PLAGL1: variants seen among roughly 807,000 people sequenced by gnomAD.
PLAGL1 encodes the protein zinc finger protein PLAGL1.
In PLAGL1, 1 loss-of-function variant was observed where a neutral mutation model predicts 4.6. The observed-to-expected ratio is 0.22, with a 90% CI of 0.08 to 1.03. The LOEUF (loss-of-function observed/expected upper bound fraction) is 1.03, where lower values mean the gene tolerates loss of function less well. PLAGL1 is among the 50% of genes least tolerant of loss of function. PLAGL1 has a pLI of 0.58. For synonymous variants in PLAGL1, 240 were observed against 237.8 expected (o/e 1.01, Z -0.08); for missense variants, 464 against 570.4 (o/e 0.81, Z 1.90).
intron 1 of PLAGL1, among the ~76,000 whole-genome samples, chr6:144,044,568 T>C (rs1583858166): frequency 1.3e-5 from 2 of 152,234 alleles, no homozygotes; most frequent in African/African-American, 4.8e-5. Context: ...TCTGTCCTTT[T>C]ACATTTGCTG....
chr6:143,998,578 T>C (rs1015044666), intron 1 of PLAGL1, among the ~76,000 whole-genome samples: 4 of 152,176 alleles, frequency 2.6e-5, no homozygotes, highest in African/African-American at 9.7e-5. Context: ...ATGCAAAGTA[T>C]CATGTCAGCC....
At chr6:144,047,961 C>T (rs1025704096) in intron 1 of PLAGL1, among the ~76,000 whole-genome samples, 3 of 152,122 alleles carry the variant, frequency 2.0e-5, no homozygotes, top group African/African-American at 7.2e-5. Context: ...TAGCTACTTC[C>T]CAGATACAAT....
chr6:143,973,994 G>A lies in PLAGL1; in HGVS notation c.-543-5016C>T, dbSNP rs1785942634. 6.6e-6 allele frequency among the ~76,000 whole-genome samples: 1 copy of A among 152,196 alleles called. No homozygotes were observed. The highest frequency in any genetic ancestry group is 1.5e-5 in the Non-Finnish European group (1 of 68,026). ...TAATCACCCAAACTGGGTAATCCAA[G>A]CTCCTGTGTATAAATGAGTTGTGTG... On this transcript the variant is annotated intron_variant, in intron 2 of 7. Coordinates refer to ENST00000674357, the MANE Select transcript of PLAGL1 (RefSeq NM_001317162.2). This position sits in a 1 kb window ranked among gnomAD's most constrained non-coding sequence, Gnocchi z 6.2.
At chr6:143,987,680 G>A (rs997841509) in intron 1 of PLAGL1, among the ~76,000 whole-genome samples, 28 of 152,142 alleles carry the variant, frequency 1.8e-4, no homozygotes, top group African/African-American at 6.7e-4. Flanking sequence ...CTGGGCCAGC[G>A]TGACAGACTC....
upstream of PLAGL1, among the ~76,000 whole-genome samples, chr6:144,012,104 C>T (rs1795230299): frequency 6.6e-6 from 1 of 152,136 alleles, no homozygotes; most frequent in African/African-American, 2.4e-5. The surrounding 1 kb of genome is among the most constrained non-coding windows in gnomAD (Gnocchi z 4.8). Flanking sequence ...ATCTTCTGTT[C>T]TCTTTGTTTT....
Position 143,942,129 on chromosome 6 carries a change from C to T in PLAGL1, c.687G>A (p.Ser229=). ...CAGCAGCCTTCAGTTGGAATGAAGG[C>T]GAGATGGTGTGGAAGGTGCTCAGAA... is the stretch of plus-strand genomic sequence containing the variant. ...GDLLSTFHTI[S]PSFQLKAAAL... is the part of the protein sequence containing the mutation. The change falls in exon 8 of 8, where the codon TCG becomes TCA. Residue 229 remains serine, a synonymous_variant. Coordinates refer to ENST00000674357, the MANE Select transcript of PLAGL1 (RefSeq NM_001317162.2). This position sits in a 1 kb window ranked among gnomAD's most constrained non-coding sequence, Gnocchi z 7.6. The T allele has an allele frequency of 6.2e-7, 1 of 1,614,122 alleles. No individual in the cohort carries two copies. The highest frequency in any genetic ancestry group is 8.5e-7 in the Non-Finnish European group (1 of 1,180,004).
At chr6:143,943,031 A>ATTTTTTTTTTTTTTTTTTTTTTTTT (rs61216054) in intron 7 of PLAGL1, among the ~76,000 whole-genome samples, 8 of 64,648 alleles carry the variant, frequency 1.2e-4, no homozygotes, top group African/African-American at 3.7e-4. Flanking sequence ...GGCCTGGCTA[A>ATTTTTTTTTTTTTTTTTTTTTTTTT]TTTTTTTTTT....
intron 1 of PLAGL1, among the ~76,000 whole-genome samples, chr6:144,021,718 T>C (rs977308076): frequency 1.4e-4 from 21 of 152,350 alleles, no homozygotes; most frequent in African/African-American, 3.8e-4. Context: ...ACAGTTGAGC[T>C]TTTAGGCAGT....
rs1784804390 is a variant in PLAGL1, at chr6:143,968,227, A to G, written c.-472+680T>C. Reference sequence around the variant, plus strand: ...AGTTCAAACAAATCCTAATCTTTACATGAGTGATAGAAAATAAGAAATAAA... The same window carrying G: ...AGTTCAAACAAATCCTAATCTTTACGTGAGTGATAGAAAATAAGAAATAAA... On this transcript the variant is annotated intron_variant, in intron 3 of 7. Coordinates refer to ENST00000674357, the MANE Select transcript of PLAGL1 (RefSeq NM_001317162.2). This position sits in a 1 kb window ranked among gnomAD's most constrained non-coding sequence, Gnocchi z 6.3. The G allele has an allele frequency of 6.6e-6, 1 of 152,322 alleles. No homozygotes were observed. Among genetic ancestry groups the G allele is most frequent in the South Asian group, 2.1e-4 (1 of 4,830 alleles). The allele number at this position is 152,322 out of a possible 1,614,324, so 9.4% of individuals were successfully genotyped here.
chr6:144,020,357 G>A (rs926191538), intron 1 of PLAGL1, among the ~76,000 whole-genome samples: 4 of 152,066 alleles, frequency 2.6e-5, no homozygotes, highest in South Asian at 4.2e-4. Context: ...GTGCAATCTC[G>A]GCTCACTGCA....
At chr6:144,032,774 C>T (rs1796927888) in intron 1 of PLAGL1, among the ~76,000 whole-genome samples, 1 of 152,094 alleles carries the variant, frequency 6.6e-6, no homozygotes, top group African/African-American at 2.4e-5. Context: ...GTTGGCCAGG[C>T]TGGTCAAACT....
rs139332406 is a variant in PLAGL1 at position 144,000,109 on chromosome 6, T to C, written c.-584+7981A>G. ...ATAAAATCCAATACAATTCATGATA[T>C]AAAACTCTTAGAGAACTAGAAGAAG... On this transcript the variant is annotated intron_variant, in intron 1 of 7. Coordinates refer to ENST00000674357, the MANE Select transcript of PLAGL1 (RefSeq NM_001317162.2). This position sits in a 1 kb window ranked among gnomAD's most constrained non-coding sequence, Gnocchi z 4.1. Among the ~76,000 whole-genome samples, 470 of 152,276 alleles carry C rather than the reference T, an allele frequency of 3.1e-3. 2 individuals carry two copies. The highest frequency in any genetic ancestry group is 0.011 in the African/African-American group (449 of 41,566).
At position 143,975,462 on chromosome 6, in the gene PLAGL1, A is replaced by G. The variant is rs1402593010; in HGVS notation, c.-543-6484T>C. On this transcript the variant is annotated intron_variant, in intron 2 of 7. Coordinates refer to ENST00000674357, the MANE Select transcript of PLAGL1 (RefSeq NM_001317162.2). The surrounding 1 kb of genome is among the most constrained non-coding windows in gnomAD (Gnocchi z 5.8). Reference sequence around the variant, plus strand: ...GGTTTGTGGAGGATCAAATTAGATAACTAATATAAAGCTCCTAAAACAGCA... The same window carrying G: ...GGTTTGTGGAGGATCAAATTAGATAGCTAATATAAAGCTCCTAAAACAGCA... 6.6e-6 allele frequency among the ~76,000 whole-genome samples: 1 copy of G among 152,248 alleles called. No homozygotes were observed. The highest frequency in any genetic ancestry group is 1.5e-5 in the Non-Finnish European group (1 of 68,038).
upstream of PLAGL1, among the ~76,000 whole-genome samples, chr6:144,010,299 A>T (rs939730748): frequency 6.6e-6 from 1 of 152,174 alleles, no homozygotes; most frequent in African/African-American, 2.4e-5. This position sits in a 1 kb window ranked among gnomAD's most constrained non-coding sequence, Gnocchi z 4.1. Context: ...GCATTCCTAT[A>T]CCCCAATAGT....
At chr6:144,046,738 A>G (rs995581135) in intron 1 of PLAGL1, among the ~76,000 whole-genome samples, 69 of 152,168 alleles carry the variant, frequency 4.5e-4, no homozygotes, top group African/African-American at 1.6e-3. Context: ...TCAGACAGGG[A>G]CGTTTAAGTC....
chr6:144,011,149 A>G (rs1391455962), upstream of PLAGL1, among the ~76,000 whole-genome samples: 1 of 152,230 alleles, frequency 6.6e-6, no homozygotes, highest in African/African-American at 2.4e-5. This position sits in a 1 kb window ranked among gnomAD's most constrained non-coding sequence, Gnocchi z 4.3. Context: ...AAAAGAAACT[A>G]TCATCAGACT....
chr6:143,977,174 A>G lies in PLAGL1; in HGVS notation c.-544+7961T>C, dbSNP rs78780640. On this transcript the variant is annotated intron_variant, in intron 2 of 7. Transcript: ENST00000674357. ...ACAACTGATAAACTTCCATTGACAC[A>G]TCATTATCACCCAGAATCCATGGTT... 6.5e-4 allele frequency among the ~76,000 whole-genome samples: 98 copies of G among 149,740 alleles called. No homozygotes were observed. The East Asian group carries it at 0.01, about 16-fold the overall frequency.
rs1417772276 is a variant in PLAGL1, at chr6:144,063,792, G to T, written c.-151+676C>A. 6.6e-6 allele frequency among the ~76,000 whole-genome samples: 1 copy of T among 152,120 alleles called. No individual in the cohort carries two copies. Among genetic ancestry groups the T allele is most frequent in the Non-Finnish European group, 1.5e-5 (1 of 68,010 alleles). ...ACCCGCCAAAGTGCCCACGCCCACC[G>T]TGGCGGGGCGTGTCCTGCCCGCCCC... is the stretch of plus-strand genomic sequence containing the variant. On this transcript the variant is annotated intron_variant, in intron 1 of 3. Coordinates refer to the PLAGL1 transcript ENST00000437412. The surrounding 1 kb of genome is among the most constrained non-coding windows in gnomAD (Gnocchi z 5.7).
rs2128567590 is a variant in PLAGL1 at position 143,965,991 on chromosome 6, ACAAG to A, written c.-431+163_-431+166del. 6.6e-6 allele frequency: 1 copy of A among 152,302 alleles called. No homozygotes were observed. The highest frequency in any genetic ancestry group is 6.5e-5 in the Admixed American group (1 of 15,300). 9.4% of individuals were successfully genotyped at this position (152,302 alleles called of 1,614,324 possible). A position where few individuals can be genotyped will look rare whatever the true frequency, so the allele number is the denominator to read the frequency against. Reference sequence around the variant, plus strand: ...TCATGTGGCTTCCTTTAAACAAACCACAAGCTTAGTGAGTCAGTTAGGTCAGTGT... The same window carrying A: ...TCATGTGGCTTCCTTTAAACAAACCACTTAGTGAGTCAGTTAGGTCAGTGT... On this transcript the variant is annotated intron_variant, in intron 4 of 7. Coordinates refer to ENST00000674357, the MANE Select transcript of PLAGL1 (RefSeq NM_001317162.2). This position sits in a 1 kb window ranked among gnomAD's most constrained non-coding sequence, Gnocchi z 7.5.
Sources: gnomAD v4.1 joint callset for allele counts (sites outside exome capture counted in the v4.1 genomes callset) on GRCh38, gnomAD v4.1.1 for gene constraint, Gnocchi (gnomAD v3.1) non-coding constraint, MANE v1.5 for transcripts, NCBI Gene and HGNC (gene_info 2026-07-23, HGNC 2026-07-21) for gene names.